The following DNAH17 variants were observed in gnomAD, a reference collection of about 807,000 sequenced individuals.
DNAH17 encodes axonemal beta dynein heavy chain 17.
A neutral mutation model predicts 485.6 loss-of-function variants in DNAH17; 376 were observed. The observed-to-expected ratio is 0.77, with a 90% CI of 0.71 to 0.84. The LOEUF (loss-of-function observed/expected upper bound fraction) is 0.84. DNAH17 is among the 40% of genes least tolerant of loss of function. The pLI, the probability that DNAH17 is intolerant of heterozygous loss-of-function variation, is 0.00. For missense variants in DNAH17, 6,370 were observed against 5,839.3 expected, an observed-to-expected ratio of 1.09 and a Z score of -2.96; for synonymous variants, 3,031 against 2,405.9, an observed-to-expected ratio of 1.26 and a Z score of -7.60.
chr17:78,429,967 G>A (rs559987317), intron 75 of DNAH17, among the ~76,000 whole-genome samples: 13 of 152,286 alleles, frequency 8.5e-5, no homozygotes, highest in African/African-American at 1.4e-4. Context: ...CCGGGCCTTA[G>A]GGAACGAAGA....
In DNAH17 at chr17:78,484,894, G is replaced by C. The variant is rs531812987; in HGVS notation, c.7623C>G (p.Ile2541Met). Reference protein sequence around the residue: ...KYGTVAPHTLIRQHMDHRHWY... With the variant: ...KYGTVAPHTLMRQHMDHRHWY... The stretch of plus-strand genomic sequence containing the variant: ...AGTGCCGGTGGTCCATGTGCTGCCG[G>C]ATGAGGGTGTGCGGGGCCACCGTCC... The change falls in exon 48 of 81, where the codon ATC becomes ATG. Residue 2541 changes from isoleucine to methionine, a missense_variant. Ile to Met is a conservative substitution (Grantham distance 10). Coordinates refer to ENST00000389840, the MANE Select transcript of DNAH17 (RefSeq NM_173628.4). 2 of 1,581,730 alleles carry C rather than the reference G, an allele frequency of 1.3e-6. No individual in the cohort carries two copies. The highest frequency in any genetic ancestry group is 2.3e-5 in the East Asian group (1 of 43,220).
Position 78,468,684 on chromosome 17 carries a change from A to C in DNAH17, c.8711T>G (p.Leu2904Arg), listed in dbSNP as rs774215167. 8 of 1,613,924 alleles carry C rather than the reference A, an allele frequency of 5.0e-6. No individual in the cohort carries two copies. The highest frequency in any genetic ancestry group is 1.7e-6 in the Non-Finnish European group (2 of 1,179,900). ...TGTTTCCCGAGTGTCATTCATGCCA[A>C]GGGACTTGACTTGGGGTCGCATGGA... is the stretch of plus-strand genomic sequence containing the variant. ...ISSMRPQVKS[L>R]GMNDTRETCW... Residue 2904 changes from leucine to arginine, a missense_variant, in exon 55 of 81, where the codon CTT (leucine) becomes CGT (arginine). Coordinates refer to ENST00000389840, the MANE Select transcript of DNAH17 (RefSeq NM_173628.4).
rs1305880736 is a variant in DNAH17, at chr17:78,505,347, G to A, written c.4902C>T (p.Tyr1634=). The A allele has an allele frequency of 4.3e-6, 7 of 1,613,846 alleles. No homozygotes were observed. Among genetic ancestry groups the A allele is most frequent in the Non-Finnish European group, 5.9e-6 (7 of 1,179,884 alleles). The change falls in exon 31 of 81, where the codon TAC becomes TAT. Residue 1634 remains tyrosine (Y), a synonymous_variant. Transcript: ENST00000389840. ...AAACCATGTACTCGTCCTCCTTGCTGTACATTCCCAGGCCCACCTTGAGAG... is the reference window on the plus strand; with the variant it reads ...AAACCATGTACTCGTCCTCCTTGCTATACATTCCCAGGCCCACCTTGAGAG... ...DKPLKVGLGM[Y]SKEDEYMVFD... is the part of the protein sequence containing the mutation.
intron 13 of DNAH17, among the ~76,000 whole-genome samples, chr17:78,559,801 T>TC (rs1004678299): frequency 2.6e-5 from 4 of 151,774 alleles, no homozygotes; most frequent in Admixed American, 1.3e-4. Context: ...CCTACGACCT[T>TC]CCCCTTTGCC....
chr17:78,444,620 T>C lies in DNAH17; in HGVS notation c.11512A>G (p.Met3838Val). The C allele has an allele frequency of 6.4e-7, 1 of 1,573,776 alleles. No individual in the cohort carries two copies. The highest frequency in any genetic ancestry group is 8.6e-7 in the Non-Finnish European group (1 of 1,160,418). The change falls in exon 71 of 81, where the codon ATG (methionine) becomes GTG (valine). Residue 3838 changes from methionine to valine, a missense_variant. Coordinates refer to ENST00000389840, the MANE Select transcript of DNAH17 (RefSeq NM_173628.4). ...CMVRCLRPDRMTYAIKNFVEE... is the reference protein window; with the variant it reads ...CMVRCLRPDRVTYAIKNFVEE... ...GACACTCACTTGATAGCGTAGGTCA[T>C]GCGATCTGGCCGCAGGCAGCGCACC...
At chr17:78,510,718 G>C in intron 26 of DNAH17, 1 of 588,024 alleles carries the variant, frequency 1.7e-6, no homozygotes, top group South Asian at 2.1e-5. Flanking sequence ...AACCGCATAA[G>C]AGCAGAACGC....
At chr17:78,559,617 C>G (rs2092107652) in intron 13 of DNAH17, among the ~76,000 whole-genome samples, 2 of 152,228 alleles carry the variant, frequency 1.3e-5, no homozygotes, top group Admixed American at 6.5e-5. Context: ...CCTCCAGCCC[C>G]AGCTCCGTTC....
At chr17:78,520,947 G>A (rs780719740) in intron 25 of DNAH17, among the ~76,000 whole-genome samples, 7 of 152,098 alleles carry the variant, frequency 4.6e-5, no homozygotes, top group Non-Finnish European at 8.8e-5. Context: ...GGATAAAGTG[G>A]GAGGAATCGC....
chr17:78,543,927 C>A lies in DNAH17; in HGVS notation c.2462G>T (p.Arg821Ile). The A allele has an allele frequency of 6.2e-7, 1 of 1,614,064 alleles. No individual in the cohort carries two copies. Among genetic ancestry groups the A allele is most frequent in the South Asian group, 1.1e-5 (1 of 91,086 alleles). ...KKEALLDLDGRIANLNKRYAA... is the reference protein window; with the variant it reads ...KKEALLDLDGIIANLNKRYAA... Reference sequence around the variant, plus strand: ...GTAGCGCTTGTTGAGGTTGGCAATTCTTCCATCCAAGTCTAACAGGGCCTC... The same window carrying A: ...GTAGCGCTTGTTGAGGTTGGCAATTATTCCATCCAAGTCTAACAGGGCCTC... Residue 821 changes from arginine (R) to isoleucine (I), a missense_variant, in exon 17 of 81, where the codon AGA becomes ATA. Physicochemically the swap from Arg to Ile is moderately conservative, Grantham distance 97 (BLOSUM62 -3). Coordinates refer to ENST00000389840, the MANE Select transcript of DNAH17 (RefSeq NM_173628.4).
At chr17:78,570,116 A>T (rs1394992439) in intron 7 of DNAH17, 131 bp downstream of exon 7, 1 of 1,084,604 alleles carries the variant, frequency 9.2e-7, no homozygotes, top group Non-Finnish European at 1.3e-6. Flanking sequence ...TCGGGGCCTG[A>T]AAAGGCTTGT....
chr17:78,511,504 T>C (rs771956441), intron 26 of DNAH17, among the ~76,000 whole-genome samples: 1 of 152,210 alleles, frequency 6.6e-6, no homozygotes, highest in Non-Finnish European at 1.5e-5. Flanking sequence ...GCATTCACAA[T>C]AGGCAAAGCG....
intron 25 of DNAH17, among the ~76,000 whole-genome samples, chr17:78,518,210 C>T (rs570448858): frequency 6.6e-5 from 10 of 152,016 alleles, no homozygotes; most frequent in African/African-American, 1.4e-4. Context: ...GCAGAGTGGA[C>T]GAAAAAACAT....
At position 78,461,603 on chromosome 17, in the gene DNAH17, C is replaced by A; in HGVS notation, c.9280G>T (p.Val3094Phe). ...IQVVGIEAEKVSKEKAIADQE... is the reference protein window; with the variant it reads ...IQVVGIEAEKFSKEKAIADQE... ...TCAGCAATGGCCTTCTCTTTGCTGA[C>A]CTTCTCGGCCTCGATGCCGACCACC... is the stretch of plus-strand genomic sequence containing the variant. Residue 3094 changes from valine (V) to phenylalanine (F), a missense_variant, in exon 58 of 81, where the codon GTC becomes TTC. Coordinates refer to ENST00000389840, the MANE Select transcript of DNAH17 (RefSeq NM_173628.4). The A allele has an allele frequency of 6.2e-7, 1 of 1,607,568 alleles. No homozygotes were observed. The highest frequency in any genetic ancestry group is 8.5e-7 in the Non-Finnish European group (1 of 1,177,510).
At chr17:78,499,805 C>G (rs76100540) in intron 36 of DNAH17, 3,534 of 153,852 alleles carry the variant, frequency 0.023, 62 homozygotes, top group Middle Eastern at 0.067. Flanking sequence ...ATCCCCCTTG[C>G]CTTCCCGTCT....
At position 78,485,769 on chromosome 17, in the gene DNAH17, G is replaced by A. The variant is rs1470221792; in HGVS notation, c.7276-12C>T. 2 of 1,611,636 alleles carry A rather than the reference G, an allele frequency of 1.2e-6. No homozygotes were observed. The highest frequency in any genetic ancestry group is 1.1e-5 in the South Asian group (1 of 90,856). ...TGGACCAAAGAGGCCTGGGGCAGGG[G>A]AGGGAAGGGGAGGGAGCTGTGATTC... On this transcript the variant is annotated splice_polypyrimidine_tract_variant and intron_variant, in intron 46 of 80. Coordinates refer to ENST00000389840, the MANE Select transcript of DNAH17 (RefSeq NM_173628.4).
intron 9 of DNAH17, among the ~76,000 whole-genome samples, chr17:78,568,765 A>G (rs957341122): frequency 6.6e-6 from 1 of 152,102 alleles, no homozygotes; most frequent in Non-Finnish European, 1.5e-5. Flanking sequence ...ACCATTTTTA[A>G]GTTTTTATCT....
intron 14 of DNAH17, among the ~76,000 whole-genome samples, chr17:78,555,657 G>A (rs1273925480): frequency 1.3e-5 from 2 of 151,788 alleles, no homozygotes; most frequent in Admixed American, 6.6e-5. Context: ...ATGTGGCCGC[G>A]AGGGTTAATT....
At chr17:78,453,656 C>G (rs556940879) in intron 64 of DNAH17, among the ~76,000 whole-genome samples, 191 bp from the exon 65 acceptor site, 110 of 152,348 alleles carry the variant, frequency 7.2e-4, no homozygotes, top group African/African-American at 2.5e-3. Context: ...GTAAACTGCC[C>G]CCGTGCTCTT....
At chr17:78,545,141 A>C (rs960854314) in intron 16 of DNAH17, among the ~76,000 whole-genome samples, 4 of 152,280 alleles carry the variant, frequency 2.6e-5, no homozygotes, top group Non-Finnish European at 5.9e-5. Flanking sequence ...ATGAAGACTT[A>C]GATCACCCGC....
Sources: gnomAD v4.1 joint callset for allele counts (sites outside exome capture counted in the v4.1 genomes callset) on GRCh38, gnomAD v4.1.1 for gene constraint, MANE v1.5 for transcripts, NCBI Gene and HGNC (gene_info 2026-07-23, HGNC 2026-07-21) for gene names.